Variants in COPG2 observed in about 807,000 individuals in gnomAD.
COPG2 encodes the protein coat protein complex I subunit gamma 2, also known as coatomer subunit gamma-2.
A neutral mutation model predicts 46.3 loss-of-function variants in COPG2; 37 were observed. The observed-to-expected ratio is 0.80, with a 90% CI of 0.61 to 1.05. The LOEUF (loss-of-function observed/expected upper bound fraction) is 1.05. COPG2 is among the 50% of genes least tolerant of loss of function. The probability of loss-of-function intolerance (pLI) is 0.00; values close to 1 mark genes in which losing one functional copy is unlikely to be tolerated. For missense variants in COPG2, 427 were observed against 387.8 expected, an observed-to-expected ratio of 1.10 and a Z score of -0.85; for synonymous variants, 159 against 129.7, an observed-to-expected ratio of 1.23 and a Z score of -1.53.
intron 20 of COPG2, among the ~76,000 whole-genome samples, chr7:130,518,945 G>A (rs1799701779): frequency 6.7e-6 from 1 of 148,752 alleles, no homozygotes; most frequent in Non-Finnish European, 1.5e-5. Context: ...GGTGGAGGCT[G>A]CAGTGAGCCG....
At chr7:130,512,906 T>C (rs1799617751) in intron 20 of COPG2, among the ~76,000 whole-genome samples, 1 of 151,782 alleles carries the variant, frequency 6.6e-6, no homozygotes. Flanking sequence ...TGAATGAAAA[T>C]ATCACAGGGG....
rs1563034224 is a variant in COPG2 at position 130,513,379 on chromosome 7, G to GTGTGTGTGTGTATATATATATATATA, written c.2150-4721_2150-4720insTATATATATATATATACACACACACA. ...TGTGTGTATATATATATATATATGT[G>GTGTGTGTGTGTATATATATATATATA]TGTGTGTGTGTATATATATATATAC... On this transcript the variant is annotated intron_variant, in intron 20 of 23. Coordinates refer to ENST00000425248, the MANE Select transcript of COPG2 (RefSeq NM_012133.6). 2.6e-4 allele frequency among the ~76,000 whole-genome samples: 24 copies of GTGTGTGTGTGTATATATATATATATA among 91,564 alleles called. 2 individuals are homozygous for GTGTGTGTGTGTATATATATATATATA. The highest frequency in any genetic ancestry group is 8.8e-4 in the African/African-American group (24 of 27,308). The allele number at this position is 91,564 out of a possible 152,430, so 60.1% of individuals were successfully genotyped here.
intron 20 of COPG2, among the ~76,000 whole-genome samples, chr7:130,517,746 A>G (rs1361812301): frequency 2.0e-5 from 3 of 152,252 alleles, no homozygotes; most frequent in Non-Finnish European, 4.4e-5. Flanking sequence ...GTAAGATATG[A>G]TAGAGCATAA....
intron 9 of COPG2, chr7:130,607,783 C>T (rs782420854): frequency 1.9e-6 from 1 of 520,136 alleles, no homozygotes; most frequent in Non-Finnish European, 3.8e-6. Flanking sequence ...TCCAGAAATA[C>T]TGTAGCTTTC....
chr7:130,627,442 CTCT>C (rs1271715084), intron 5 of COPG2, among the ~76,000 whole-genome samples: 1 of 152,156 alleles, frequency 6.6e-6, no homozygotes, highest in East Asian at 1.9e-4. Flanking sequence ...GCACAAAGCC[CTCT>C]TCAGCACAGC....
At chr7:130,512,299 C>T (rs542154437) in intron 20 of COPG2, among the ~76,000 whole-genome samples, 1 of 145,720 alleles carries the variant, frequency 6.9e-6, no homozygotes, top group African/African-American at 2.5e-5. Flanking sequence ...GCAACAAGAG[C>T]AAAACTCCAT....
chr7:130,648,009 C>T (rs1259252997), intron 5 of COPG2, among the ~76,000 whole-genome samples: 7 of 152,060 alleles, frequency 4.6e-5, no homozygotes, highest in Admixed American at 2.0e-4. Context: ...GGATTACACG[C>T]GTGAGCCACC....
chr7:130,618,272 C>A (rs1373126376), intron 5 of COPG2, among the ~76,000 whole-genome samples: 1 of 151,926 alleles, frequency 6.6e-6, no homozygotes, highest in Non-Finnish European at 1.5e-5. Context: ...AATGGGGAGC[C>A]CTGAACAATA....
chr7:130,508,760 A>C (rs1229272690), intron 20 of COPG2, 101 bp from the exon 21 acceptor site: 4 of 645,890 alleles, frequency 6.2e-6, no homozygotes, highest in African/African-American at 5.5e-5. Flanking sequence ...TTTTCCAGTT[A>C]AACACACATG....
intron 5 of COPG2, among the ~76,000 whole-genome samples, chr7:130,631,484 C>A (rs76425947): frequency 0.016 from 2,377 of 152,200 alleles, 36 homozygotes; most frequent in South Asian, 0.043. Context: ...TTCTTTTCCT[C>A]CCCAACCTTC....
At chr7:130,625,767 T>G (rs945554025) in intron 5 of COPG2, among the ~76,000 whole-genome samples, 1 of 152,094 alleles carries the variant, frequency 6.6e-6, no homozygotes. Flanking sequence ...TGTTTTTCTA[T>G]TTTTTCCTCA....
chr7:130,522,484 G>C (rs948701251), intron 20 of COPG2, among the ~76,000 whole-genome samples: 2 of 152,078 alleles, frequency 1.3e-5, no homozygotes, highest in African/African-American at 4.8e-5. Context: ...CTATCAGGCC[G>C]ATACGAAGGG....
At chr7:130,507,898 G>A in intron 21 of COPG2, 75 bp from the exon 22 acceptor site, 1 of 732,598 alleles carries the variant, frequency 1.4e-6, no homozygotes. Flanking sequence ...TAGTCAATAT[G>A]GTCCTCCGGA....
intron 9 of COPG2, chr7:130,605,371 G>C: frequency 2.1e-6 from 1 of 467,092 alleles, no homozygotes; most frequent in South Asian, 1.7e-5. Context: ...ACATGGCAAA[G>C]GAACTGTGCT....
chr7:130,558,499 A>G (rs1793666730), intron 12 of COPG2, among the ~76,000 whole-genome samples: 1 of 152,090 alleles, frequency 6.6e-6, no homozygotes, highest in Non-Finnish European at 1.5e-5. Context: ...TATAAATTAC[A>G]CAGTCTCAGG....
At chr7:130,548,944 T>C (rs1232087416) in intron 18 of COPG2, among the ~76,000 whole-genome samples, 2 of 151,044 alleles carry the variant, frequency 1.3e-5, no homozygotes, top group East Asian at 3.9e-4. Context: ...TTAGTTTCCA[T>C]AGCCTTACTA....
intron 9 of COPG2, among the ~76,000 whole-genome samples, chr7:130,608,461 ACTC>A (rs1735174304): frequency 6.6e-6 from 1 of 151,246 alleles, no homozygotes; most frequent in Non-Finnish European, 1.5e-5. Context: ...AGCTGGAAAA[ACTC>A]CTTTTAGCAT....
chr7:130,643,609 AAAG>A (rs782529193), intron 5 of COPG2, among the ~76,000 whole-genome samples: 9 of 152,210 alleles, frequency 5.9e-5, no homozygotes, highest in South Asian at 2.1e-4. Context: ...CTTAAAGAAA[AAAG>A]AAGGACTGCA....
chr7:130,641,061 T>C (rs1185291521), intron 5 of COPG2, among the ~76,000 whole-genome samples: 1 of 150,072 alleles, frequency 6.7e-6, no homozygotes, highest in Non-Finnish European at 1.5e-5. Flanking sequence ...CAACCGAGGC[T>C]AGGGGTAGTG....
Sources: allele counts gnomAD v4.1 joint callset (sites outside exome capture counted in the v4.1 genomes callset), GRCh38; gene constraint gnomAD v4.1.1; transcripts MANE v1.5; gene names NCBI Gene and HGNC (gene_info 2026-07-23, HGNC 2026-07-21).